PDGFD: variants seen among roughly 807,000 people sequenced by gnomAD.
PDGFD encodes platelet derived growth factor D, also known as platelet-derived growth factor D.
In PDGFD, 30 loss-of-function variants were observed where a neutral mutation model predicts 44.7. The observed-to-expected ratio is 0.67, with a 90% CI of 0.50 to 0.91. The LOEUF is 0.91. Ranked by LOEUF, PDGFD falls within the 40% of genes least tolerant of loss-of-function variation. PDGFD has a pLI of 0.00. For missense variants in PDGFD, 445 were observed against 457.8 expected, an observed-to-expected ratio of 0.97 and a Z score of 0.25; for synonymous variants, 173 against 168.4, an observed-to-expected ratio of 1.03 and a Z score of -0.21.
intron 1 of PDGFD, among the ~76,000 whole-genome samples, chr11:104,145,291 C>T (rs1862146836): frequency 6.6e-6 from 1 of 152,118 alleles, no homozygotes; most frequent in African/African-American, 2.4e-5. Flanking sequence ...AAACCGAATG[C>T]TATGTTACGT....
At position 104,002,353 on chromosome 11, in the gene PDGFD, C is replaced by T. The variant is rs562444351; in HGVS notation, c.125-2098G>A. Among the ~76,000 whole-genome samples, 7 of 152,164 alleles carry T rather than the reference C, an allele frequency of 4.6e-5. No individual in the cohort carries two copies. The East Asian group carries it at 1.4e-3, about 29-fold the overall frequency. ...GATGACTAGATCATGGGGTGGTTCCCCCATGCTGTTCTCGTGATAATGAGT... is the reference window on the plus strand; with the variant it reads ...GATGACTAGATCATGGGGTGGTTCCTCCATGCTGTTCTCGTGATAATGAGT... On this transcript the variant is annotated intron_variant, in intron 1 of 6. Coordinates refer to ENST00000393158, the MANE Select transcript of PDGFD (RefSeq NM_025208.5).
At chr11:104,037,016 G>A (rs1282317304) in intron 1 of PDGFD, 1 of 1,614,240 alleles carries the variant, frequency 6.2e-7, no homozygotes, top group Non-Finnish European at 8.5e-7. Flanking sequence ...GGCTCCTACG[G>A]CCTCAAAGAT....
intron 1 of PDGFD, among the ~76,000 whole-genome samples, chr11:104,079,667 G>A (rs528989784): frequency 1.2e-4 from 18 of 152,230 alleles, no homozygotes; most frequent in South Asian, 6.2e-4. Context: ...GATTATAGGC[G>A]TGAGCCACCG....
intron 1 of PDGFD, among the ~76,000 whole-genome samples, chr11:104,031,832 T>C (rs534998231): frequency 3.0e-4 from 46 of 152,330 alleles, no homozygotes; most frequent in Non-Finnish European, 5.4e-4. Flanking sequence ...AATGAGATCA[T>C]GTCCTTTGCA....
chr11:104,119,163 AC>A lies in PDGFD; in HGVS notation c.124+44640del, dbSNP rs1565340591. On this transcript the variant is annotated intron_variant, in intron 1 of 6. Coordinates refer to ENST00000393158, the MANE Select transcript of PDGFD (RefSeq NM_025208.5). ...TATATTAATATAATATATTGATATA[AC>A]ATATAATATATTAATATAATATATT... 3.0e-4 allele frequency among the ~76,000 whole-genome samples: 3 copies of A among 9,872 alleles called. 1 individual carries two copies. The highest frequency in any genetic ancestry group is 9.0e-4 in the African/African-American group (3 of 3,350). The allele number at this position is 9,872 out of a possible 152,430, so 6.5% of individuals were successfully genotyped here.
chr11:103,927,698 T>C (rs2134311471), intron 5 of PDGFD, among the ~76,000 whole-genome samples: 1 of 152,350 alleles, frequency 6.6e-6, no homozygotes, highest in East Asian at 1.9e-4. Context: ...TGTGTGAATA[T>C]GGTGCATATT....
intron 1 of PDGFD, among the ~76,000 whole-genome samples, chr11:104,092,648 AAT>A (rs1861227446): frequency 6.6e-6 from 1 of 152,200 alleles, no homozygotes; most frequent in Admixed American, 6.6e-5. Flanking sequence ...ATTATATATT[AAT>A]AGAGTCATAT....
chr11:104,115,489 T>C (rs1024713339), intron 1 of PDGFD, among the ~76,000 whole-genome samples: 1 of 151,956 alleles, frequency 6.6e-6, no homozygotes, highest in Non-Finnish European at 1.5e-5. Flanking sequence ...ATTGTGCTGG[T>C]ATAAACATGT....
intron 1 of PDGFD, among the ~76,000 whole-genome samples, chr11:104,007,561 A>G (rs1234497701): frequency 1.3e-5 from 2 of 152,238 alleles, no homozygotes; most frequent in Non-Finnish European, 2.9e-5. Context: ...ACACAAACTC[A>G]GTGGAACACT....
At chr11:104,117,873 G>GA (rs1323777038) in intron 1 of PDGFD, among the ~76,000 whole-genome samples, 1 of 151,790 alleles carries the variant, frequency 6.6e-6, no homozygotes, top group African/African-American at 2.4e-5. Flanking sequence ...CACAGAAGTA[G>GA]AAAAAACAAT....
At chr11:103,999,726 AC>A (rs1859590250) in intron 2 of PDGFD, among the ~76,000 whole-genome samples, 1 of 152,132 alleles carries the variant, frequency 6.6e-6, no homozygotes, top group South Asian at 2.1e-4. Context: ...GCTGCCCGTA[AC>A]CTGGGATGCT....
intron 1 of PDGFD, chr11:104,038,147 G>A (rs1020821364): frequency 2.4e-6 from 2 of 850,460 alleles, no homozygotes; most frequent in Admixed American, 2.9e-5. Flanking sequence ...TACGTTCTCA[G>A]ATGGGTAACT....
chr11:103,934,030 C>T (rs1385955470), intron 5 of PDGFD, among the ~76,000 whole-genome samples: 1 of 152,148 alleles, frequency 6.6e-6, no homozygotes. Flanking sequence ...ATTTCTTGTT[C>T]TCATTTACTA....
intron 1 of PDGFD, among the ~76,000 whole-genome samples, chr11:104,095,061 G>T (rs374433949): frequency 6.6e-6 from 1 of 151,910 alleles, no homozygotes; most frequent in South Asian, 2.1e-4. Context: ...GTATATGGAC[G>T]TATCTTCCCT....
chr11:104,115,252 T>G (rs537613807), intron 1 of PDGFD, among the ~76,000 whole-genome samples: 12 of 150,552 alleles, frequency 8.0e-5, no homozygotes, highest in African/African-American at 2.9e-4. Context: ...ATGAGTAGCA[T>G]TCTATCATAT....
At chr11:104,008,121 A>G (rs1478655115) in intron 1 of PDGFD, among the ~76,000 whole-genome samples, 1 of 152,144 alleles carries the variant, frequency 6.6e-6, no homozygotes, top group Non-Finnish European at 1.5e-5. Context: ...AAACAGCAGC[A>G]TTATTCACAC....
At chr11:104,067,476 T>C (rs1175434477) in intron 1 of PDGFD, among the ~76,000 whole-genome samples, 1 of 152,122 alleles carries the variant, frequency 6.6e-6, no homozygotes, top group East Asian at 1.9e-4. Flanking sequence ...ATCTTTCTAT[T>C]AGAATTCAAT....
intron 1 of PDGFD, among the ~76,000 whole-genome samples, chr11:104,105,218 T>C (rs1282283461): frequency 2.0e-5 from 3 of 152,168 alleles, no homozygotes; most frequent in African/African-American, 7.2e-5. Flanking sequence ...AGGTCTCTGA[T>C]TGGAATCTTC....
chr11:104,103,150 C>T (rs1417596400), intron 1 of PDGFD, among the ~76,000 whole-genome samples: 1 of 152,034 alleles, frequency 6.6e-6, no homozygotes, highest in African/African-American at 2.4e-5. Context: ...CTTAGTTTTC[C>T]CCATTTGTAA....
Sources: gnomAD v4.1 joint callset for allele counts (sites outside exome capture counted in the v4.1 genomes callset) on GRCh38, gnomAD v4.1.1 for gene constraint, MANE v1.5 for transcripts, NCBI Gene and HGNC (gene_info 2026-07-23, HGNC 2026-07-21) for gene names.